Variants in CMPK2 observed in about 807,000 individuals in gnomAD.
CMPK2 encodes cytidine/uridine monophosphate kinase 2.
Under a neutral mutation model 33.4 loss-of-function variants are expected in CMPK2, and 32 were observed. That is an observed-to-expected ratio of 0.96 (90% confidence interval 0.72 to 1.29). The LOEUF (loss-of-function observed/expected upper bound fraction) is 1.29. CMPK2 is among the 50% of genes most tolerant of loss of function. The pLI is 0.00. For missense variants in CMPK2, 672 were observed against 616.0 expected (o/e 1.09, Z -0.96); for synonymous variants, 299 against 275.3 (o/e 1.09, Z -0.85).
chr2:6,863,536 C>A lies in CMPK2; in HGVS notation c.718G>T (p.Val240Phe). The A allele has an allele frequency of 6.2e-7, 1 of 1,614,138 alleles. No individual in the cohort carries two copies. Among genetic ancestry groups the A allele is most frequent in the Non-Finnish European group, 8.5e-7 (1 of 1,180,024 alleles). ...IPEARAVLDL[V>F]DQCPKQIQKG... ...TGGATCTGTTTTGGGCACTGGTCGA[C>A]CAGGTCAAGCACTGCCCGGGCTTCA... Residue 240 changes from valine to phenylalanine, a missense_variant, in exon 2 of 5, where the codon GTC (valine) becomes TTC (phenylalanine). Transcript: ENST00000256722.
In CMPK2 at chr2:6,848,350, G is replaced by T; in HGVS notation, c.*1500C>A. 1 of 985,032 alleles carries T rather than the reference G, an allele frequency of 1.0e-6. No homozygotes were observed. Among genetic ancestry groups the T allele is most frequent in the Non-Finnish European group, 1.2e-6 (1 of 829,596 alleles). The allele number at this position is 985,032 out of a possible 1,614,324, so 61.0% of individuals were successfully genotyped here. ...AAACCACAGCAAAGTTTATTCATGT[G>T]CCAGGGACATAAAGATACATTAATT... On this transcript the variant is annotated 3_prime_UTR_variant, in exon 5 of 5. Coordinates refer to ENST00000256722, the MANE Select transcript of CMPK2 (RefSeq NM_207315.4).
chr2:6,863,646 C>T, intron 1 of CMPK2, 68 bp from the exon 2 acceptor site: 1 of 1,151,490 alleles, frequency 8.7e-7, no homozygotes, highest in East Asian at 2.3e-5. Flanking sequence ...ACCTAAATTG[C>T]TGAGCACAAT....
rs545327134 is a variant in CMPK2 at position 6,853,857 on chromosome 2, G to C, written c.993-2174C>G. On this transcript the variant is annotated intron_variant, in intron 3 of 4. Transcript: ENST00000256722. ...GCAGAGCTTGCAGTGAGCCGAGATC[G>C]CGCCACTGCACTCCAGCCTGGGCAA... is the stretch of plus-strand genomic sequence containing the variant. 5.9e-5 allele frequency among the ~76,000 whole-genome samples: 9 copies of C among 151,978 alleles called. No individual in the cohort carries two copies. In the South Asian group the frequency reaches 1.9e-3, roughly 32 times the overall value.
intron 3 of CMPK2, among the ~76,000 whole-genome samples, chr2:6,859,536 G>A (rs1425709246): frequency 6.6e-6 from 1 of 152,198 alleles, no homozygotes; most frequent in African/African-American, 2.4e-5. Flanking sequence ...CTAGCCTTGA[G>A]TAAGAGGCCA....
At chr2:6,860,714 T>C (rs1313943576) in intron 3 of CMPK2, among the ~76,000 whole-genome samples, 1 of 152,130 alleles carries the variant, frequency 6.6e-6, no homozygotes, top group Admixed American at 6.6e-5. Context: ...AATACACTGG[T>C]TTATCATTGA....
At position 6,865,303 on chromosome 2, in the gene CMPK2, G is replaced by C; in HGVS notation, c.394C>G (p.Leu132Val). 1 of 1,522,906 alleles carries C rather than the reference G, an allele frequency of 6.6e-7. No homozygotes were observed. The highest frequency in any genetic ancestry group is 8.7e-7 in the Non-Finnish European group (1 of 1,143,228). 94.3% of individuals were successfully genotyped at this position (1,522,906 alleles called of 1,614,324 possible). The change falls in exon 1 of 5, where the codon CTG becomes GTG. Residue 132 changes from leucine to valine, a missense_variant. Coordinates refer to ENST00000256722, the MANE Select transcript of CMPK2 (RefSeq NM_207315.4). ...GQAGGAQQGFLLRDPLDDPDT... is the reference protein window; with the variant it reads ...GQAGGAQQGFVLRDPLDDPDT... ...GGGTCATCCAGGGGGTCGCGCAGCA[G>C]GAAGCCTTGCTGTGCGCCGCCGGCC...
intron 3 of CMPK2, among the ~76,000 whole-genome samples, chr2:6,860,319 G>A (rs1308280764): frequency 5.3e-5 from 8 of 152,152 alleles, no homozygotes; most frequent in Non-Finnish European, 1.2e-4. Flanking sequence ...GGCATGATTG[G>A]TTTTGAAATG....
chr2:6,841,157 T>C (rs1321017187), intron 3 of CMPK2, among the ~76,000 whole-genome samples: 1 of 152,062 alleles, frequency 6.6e-6, no homozygotes, highest in East Asian at 1.9e-4. Flanking sequence ...ACTTTGGAGG[T>C]ATTTAGGGAG....
rs1342145974 is a variant in CMPK2, at chr2:6,861,289, T to C, written c.887A>G (p.Asp296Gly). The C allele has an allele frequency of 6.2e-7, 1 of 1,614,100 alleles. No individual in the cohort carries two copies. Among genetic ancestry groups the C allele is most frequent in the East Asian group, 2.2e-5 (1 of 44,876 alleles). Residue 296 changes from aspartate to glycine, a missense_variant, in exon 3 of 5, where the codon GAT (aspartate) becomes GGT (glycine). Coordinates refer to ENST00000256722, the MANE Select transcript of CMPK2 (RefSeq NM_207315.4). Reference sequence around the variant, plus strand: ...TCTTCTAATGATAGTTGGTTCATCATCAAAGATCTTCCTCCACTGGCCAAT... The same window carrying C: ...TCTTCTAATGATAGTTGGTTCATCACCAAAGATCTTCCTCCACTGGCCAAT... ...SCIGQWRKIF[D>G]DEPTIIRRAF... is the part of the protein sequence containing the mutation.
intron 3 of CMPK2, among the ~76,000 whole-genome samples, chr2:6,852,607 C>A (rs2103219988): frequency 6.6e-6 from 1 of 152,314 alleles, no homozygotes; most frequent in Non-Finnish European, 1.5e-5. Flanking sequence ...CAAATCAGAA[C>A]TACTTGTTAT....
intron 1 of CMPK2, among the ~76,000 whole-genome samples, chr2:6,864,177 A>G (rs890867101): frequency 6.8e-6 from 1 of 147,744 alleles, no homozygotes; most frequent in Non-Finnish European, 1.5e-5. Context: ...CTTTACAAGT[A>G]TTCAGTTGCC....
intron 3 of CMPK2, among the ~76,000 whole-genome samples, chr2:6,855,009 T>C (rs1047060447): frequency 1.3e-5 from 2 of 151,984 alleles, no homozygotes; most frequent in South Asian, 2.1e-4. Context: ...AGTCTTTCTC[T>C]TGGAAATAAA....
chr2:6,850,536 C>G (rs1662485508), intron 4 of CMPK2: 1 of 157,644 alleles, frequency 6.3e-6, no homozygotes, highest in African/African-American at 2.4e-5. Context: ...CGAGGTGGAT[C>G]GTCTGCATTC....
chr2:6,857,819 T>C (rs1662759596), intron 3 of CMPK2, among the ~76,000 whole-genome samples: 1 of 151,482 alleles, frequency 6.6e-6, no homozygotes, highest in Non-Finnish European at 1.5e-5. Flanking sequence ...GTATTTTTAG[T>C]AGAGACGGGG....
chr2:6,850,220 A>G (rs1662473554), intron 4 of CMPK2, among the ~76,000 whole-genome samples: 1 of 152,126 alleles, frequency 6.6e-6, no homozygotes, highest in Non-Finnish European at 1.5e-5. Flanking sequence ...ATTTTGCATG[A>G]TTTTTCTCAT....
chr2:6,854,143 C>A (rs929956415), intron 3 of CMPK2, among the ~76,000 whole-genome samples: 1 of 152,136 alleles, frequency 6.6e-6, no homozygotes, highest in Non-Finnish European at 1.5e-5. Flanking sequence ...CAATTAGGGT[C>A]TCAGTTTTCT....
intron 3 of CMPK2, among the ~76,000 whole-genome samples, chr2:6,855,065 C>T (rs901706015): frequency 6.6e-6 from 1 of 151,660 alleles, no homozygotes; most frequent in Non-Finnish European, 1.5e-5. Context: ...GTTCTTTGTC[C>T]CCACCAAAAT....
chr2:6,860,020 G>A (rs751288923), intron 3 of CMPK2, among the ~76,000 whole-genome samples: 6 of 152,224 alleles, frequency 3.9e-5, no homozygotes, highest in African/African-American at 7.2e-5. Context: ...ATCTGGACAT[G>A]AGAAATAGAG....
At chr2:6,840,790 G>A (rs1439530803) in intron 3 of CMPK2, 1 of 652,284 alleles carries the variant, frequency 1.5e-6, no homozygotes, top group Admixed American at 2.2e-5. Context: ...TTTAATTCCT[G>A]CTAGAACTGG....
Sources: allele counts gnomAD v4.1 joint callset (sites outside exome capture counted in the v4.1 genomes callset), GRCh38; gene constraint gnomAD v4.1.1; transcripts MANE v1.5; gene names NCBI Gene and HGNC (gene_info 2026-07-23, HGNC 2026-07-21).